The following NOTUM variants were observed in gnomAD, a reference collection of about 807,000 sequenced individuals.
NOTUM encodes the protein palmitoleoyl-protein carboxylesterase NOTUM.
NOTUM carries 36 observed loss-of-function variants against 65.5 expected under a neutral mutation model. The ratio of observed to expected loss-of-function variants is 0.55; its 90% CI spans 0.42 to 0.73. NOTUM has a LOEUF of 0.73. NOTUM is among the 30% of genes least tolerant of loss of function. The pLI is 0.00. For synonymous variants in NOTUM, 356 were observed against 297.9 expected, an observed-to-expected ratio of 1.20 and a Z score of -2.01; for missense variants, 659 against 694.2, an observed-to-expected ratio of 0.95 and a Z score of 0.57.
chr17:81,959,727 G>A (rs2041459817), intron 1 of NOTUM, 35 bp from the exon 2 acceptor site: 1 of 1,302,500 alleles, frequency 7.7e-7, no homozygotes, highest in Non-Finnish European at 9.9e-7. Context: ...GGGTCGGCCA[G>A]GGCTGCCGAC....
intron 10 of NOTUM, 28 bp from the exon 11 acceptor site, chr17:81,953,295 C>T (rs140248367): frequency 0.028 from 41,510 of 1,506,924 alleles, 754 homozygotes; most frequent in East Asian, 0.039. Context: ...GGGAGGGGGT[C>T]ACATGTGCGG....
Position 81,956,999 on chromosome 17 carries a change from G to C in NOTUM, c.771C>G (p.Ile257Met). 6.2e-7 allele frequency: 1 copy of C among 1,612,566 alleles called. No individual in the cohort carries two copies. Among genetic ancestry groups the C allele is most frequent in the Non-Finnish European group, 8.5e-7 (1 of 1,179,920 alleles). Reference protein sequence around the residue: ...EQLEKLGYPAIQVRGLADSGW... With the variant: ...EQLEKLGYPAMQVRGLADSGW... ...CGGAGTCAGCCAGGCCTCGCACCTG[G>C]ATGGCTGGGTAGCCCAGCTTCTCCA... Residue 257 changes from isoleucine to methionine, a missense_variant, in exon 7 of 11, where the codon ATC becomes ATG. By Grantham distance (10) the Ile-to-Met change is conservative (BLOSUM62 1). Coordinates refer to ENST00000409678, the MANE Select transcript of NOTUM (RefSeq NM_178493.6).
In NOTUM at chr17:81,957,141, C is replaced by T. The variant is rs2043285409; in HGVS notation, c.696-67G>A. 5.1e-6 allele frequency: 7 copies of T among 1,385,000 alleles called. No individual in the cohort carries two copies. In the South Asian group the frequency reaches 9.0e-5, roughly 18 times the overall value. The allele number at this position is 1,385,000 out of a possible 1,614,324, so 85.8% of individuals were successfully genotyped here. The stretch of plus-strand genomic sequence containing the variant: ...GGCACTCACCTCCCCCGAGTCTGCT[C>T]AGCGTCAGCCCGTGCCCCGAGGGGG... On this transcript the variant is annotated intron_variant, in intron 6 of 10. Transcript: ENST00000409678.
intron 8 of NOTUM, among the ~76,000 whole-genome samples, 194 bp from the exon 9 acceptor site, chr17:81,955,738 C>A (rs577518548): frequency 4.6e-5 from 5 of 108,714 alleles, no homozygotes; most frequent in African/African-American, 2.0e-4. Context: ...GTGCCCCCCA[C>A]CCCAGGCTCA....
Position 81,960,689 on chromosome 17 carries a change from G to T in NOTUM, c.221C>A (p.Ala74Glu). The change falls in exon 1 of 11, where the codon GCG becomes GAG. Residue 74 changes from alanine to glutamate, a missense_variant. By Grantham distance (107) the Ala-to-Glu change is moderately radical (BLOSUM62 -1). Transcript: ENST00000409678. This position sits in a 1 kb window ranked among gnomAD's most constrained non-coding sequence, Gnocchi z 6.4. ...DSFMAQVKSL[A>E]QSLYPCSAQQ... ...CGCGGAGCAGGGGTACAGGGACTGC[G>T]CCAGGCTCTTGACTTGCGCCATGAA... The T allele has an allele frequency of 6.2e-7, 1 of 1,601,400 alleles. No individual in the cohort carries two copies. Among genetic ancestry groups the T allele is most frequent in the Non-Finnish European group, 8.5e-7 (1 of 1,174,698 alleles).
intron 8 of NOTUM, 102 bp downstream of exon 8, chr17:81,956,548 C>T: frequency 2.4e-6 from 2 of 832,012 alleles, no homozygotes; most frequent in Non-Finnish European, 3.9e-6. Flanking sequence ...GCCGTGGTCT[C>T]CAAGCCCAGC....
chr17:81,954,906 T>C (rs2041417147), intron 9 of NOTUM, among the ~76,000 whole-genome samples: 1 of 152,018 alleles, frequency 6.6e-6, no homozygotes, highest in Non-Finnish European at 1.5e-5. Context: ...CGTGAGCCAG[T>C]GTGCCAGGCC....
intron 9 of NOTUM, 83 bp from the exon 10 acceptor site, chr17:81,954,386 G>A (rs1168124827): frequency 2.1e-5 from 18 of 855,092 alleles, no homozygotes; most frequent in African/African-American, 1.4e-4. Context: ...GCTGTCCCCC[G>A]CCTGGCCATC....
Position 81,953,113 on chromosome 17 carries a change from G to A in NOTUM, c.1339C>T (p.Pro447Ser). The A allele has an allele frequency of 6.2e-7, 1 of 1,613,766 alleles. No homozygotes were observed. Among genetic ancestry groups the A allele is most frequent in the Non-Finnish European group, 8.5e-7 (1 of 1,179,774 alleles). The change falls in exon 11 of 11, where the codon CCC becomes TCC. Residue 447 changes from proline to serine, a missense_variant. By Grantham distance (74) the Pro-to-Ser change is moderately conservative. Transcript: ENST00000409678. ...VDSCPWPHCNPSCPTVRDQFT... is the reference protein window; with the variant it reads ...VDSCPWPHCNSSCPTVRDQFT... ...TGGTCTCGGACGGTGGGGCATGAGG[G>A]GTTGCAGTGGGGCCAGGGGCAGCTG...
intron 8 of NOTUM, among the ~76,000 whole-genome samples, chr17:81,956,445 A>G (rs2041433766): frequency 6.7e-6 from 1 of 150,016 alleles, no homozygotes; most frequent in Admixed American, 6.6e-5. Context: ...CCTGGCACAC[A>G]GCCGGCCTCC....
At chr17:81,959,028 G>C in intron 3 of NOTUM, 33 bp from the exon 4 acceptor site, 1 of 1,595,418 alleles carries the variant, frequency 6.3e-7, no homozygotes, top group Non-Finnish European at 8.6e-7. Flanking sequence ...TCTTTCTAGC[G>C]GGAGGAGGCT....
intron 6 of NOTUM, 94 bp downstream of exon 6, chr17:81,957,712 C>T (rs2041443854): frequency 1.2e-6 from 1 of 857,632 alleles, no homozygotes; most frequent in African/African-American, 1.7e-5. Flanking sequence ...TCCACTCCAT[C>T]CTCGCCTCTC....
intron 3 of NOTUM, chr17:81,959,255 C>T: frequency 1.6e-6 from 1 of 611,098 alleles, no homozygotes; most frequent in South Asian, 2.0e-5. Flanking sequence ...CTGCTTTGAC[C>T]CTGGGGAGGG....
chr17:81,959,893 C>T, intron 1 of NOTUM: 2 of 199,830 alleles, frequency 1.0e-5, no homozygotes, highest in Non-Finnish European at 2.0e-5. Flanking sequence ...GGGGAACGGG[C>T]CGCGCGGGGC....
In NOTUM at chr17:81,961,045, C is replaced by T. The variant is rs1419791262; in HGVS notation, c.-136G>A. On this transcript the variant is annotated 5_prime_UTR_variant, in exon 1 of 11. Coordinates refer to ENST00000409678, the MANE Select transcript of NOTUM (RefSeq NM_178493.6). ...GCTCCCTCGCCCCCGCTCCCGCCCG[C>T]CGGGCCTGGCGGAGAAGGCGCGCGC... 5 of 286,770 alleles carry T rather than the reference C, an allele frequency of 1.7e-5. No homozygotes were observed. In the East Asian group the frequency reaches 5.4e-4, roughly 31 times the overall value. The allele number at this position is 286,770 out of a possible 1,614,324, so 17.8% of individuals were successfully genotyped here. A position where few individuals can be genotyped will look rare whatever the true frequency, so the allele number is the denominator to read the frequency against.
chr17:81,959,617 C>T (rs946328148), intron 2 of NOTUM, 23 bp downstream of exon 2: 1 of 1,545,916 alleles, frequency 6.5e-7, no homozygotes, highest in South Asian at 1.2e-5. Context: ...CCCGGCCTCC[C>T]CCCGCCTCAG....
At chr17:81,954,607 T>C (rs1401234048) in intron 9 of NOTUM, among the ~76,000 whole-genome samples, 1 of 152,218 alleles carries the variant, frequency 6.6e-6, no homozygotes, top group African/African-American at 2.4e-5. Flanking sequence ...CATTTTATTT[T>C]GAGTCGGGGT....
chr17:81,953,715 C>T (rs569958351), intron 10 of NOTUM, among the ~76,000 whole-genome samples: 1 of 151,760 alleles, frequency 6.6e-6, no homozygotes, highest in East Asian at 1.9e-4. Context: ...GTGATCCTCC[C>T]ACCTCAGCCT....
At chr17:81,956,424 C>T (rs1020197378) in intron 8 of NOTUM, among the ~76,000 whole-genome samples, 3 of 152,214 alleles carry the variant, frequency 2.0e-5, no homozygotes, top group African/African-American at 7.2e-5. Context: ...CATGCCGCAG[C>T]GACTAGGCCC....
Sources: allele counts gnomAD v4.1 joint callset (sites outside exome capture counted in the v4.1 genomes callset), GRCh38; gene constraint gnomAD v4.1.1; non-coding constraint Gnocchi (gnomAD v3.1); transcripts MANE v1.5; gene names NCBI Gene and HGNC (gene_info 2026-07-23, HGNC 2026-07-21).